Variants in FAT4 observed in about 807,000 individuals in gnomAD.
FAT4 encodes FAT atypical cadherin 4.
Under a neutral mutation model 303.9 loss-of-function variants are expected in FAT4, and 84 were observed. The observed-to-expected ratio is 0.28, with a 90% CI of 0.23 to 0.33. FAT4 has a LOEUF of 0.33. Ranked by LOEUF, FAT4 falls within the 10% of genes least tolerant of loss-of-function variation. FAT4 has a pLI of 1.00. For missense variants in FAT4, 6,005 were observed against 6,146.8 expected, an observed-to-expected ratio of 0.98 and a Z score of 0.77; for synonymous variants, 2,307 against 2,298.8, an observed-to-expected ratio of 1.00 and a Z score of -0.10.
intron 2 of FAT4, among the ~76,000 whole-genome samples, chr4:125,322,368 T>C (rs1364681251): frequency 6.6e-6 from 1 of 152,198 alleles, no homozygotes; most frequent in Non-Finnish European, 1.5e-5. Context: ...GCCAAAAGAA[T>C]TCCAAGCTCA....
chr4:125,491,746 G>A lies in FAT4; in HGVS notation c.14930G>A (p.Gly4977Glu). Residue 4977 changes from glycine to glutamate, a missense_variant, in exon 18 of 18, where the codon GGG becomes GAG. By Grantham distance (98) the Gly-to-Glu change is moderately conservative (BLOSUM62 -2). Coordinates refer to ENST00000394329, the MANE Select transcript of FAT4 (RefSeq NM_001291303.3). ...AGTTKPVPKD[G>E]EAEQYV ...ACAACTAAACCAGTCCCCAAAGATG[G>A]GGAAGCAGAACAGTATGTGTGAAGT... The A allele has an allele frequency of 6.2e-7, 1 of 1,612,994 alleles. No individual in the cohort carries two copies.
intron 2 of FAT4, among the ~76,000 whole-genome samples, chr4:125,375,453 G>A (rs1054237250): frequency 2.6e-5 from 4 of 152,116 alleles, no homozygotes; most frequent in African/African-American, 4.8e-5. Flanking sequence ...AGTGCTTATC[G>A]TCATGTCACT....
intron 7 of FAT4, among the ~76,000 whole-genome samples, chr4:125,427,505 CAG>C (rs1469509376): frequency 6.6e-6 from 1 of 151,856 alleles, no homozygotes; most frequent in Non-Finnish European, 1.5e-5. Context: ...TTTTATAAAA[CAG>C]AATTTTTAAA....
intron 2 of FAT4, among the ~76,000 whole-genome samples, chr4:125,386,036 CA>C (rs1229889952): frequency 6.6e-6 from 1 of 151,948 alleles, no homozygotes; most frequent in African/African-American, 2.4e-5. Flanking sequence ...TGATGATCAT[CA>C]GGGGATAATT....
intron 2 of FAT4, among the ~76,000 whole-genome samples, chr4:125,379,396 C>T (rs1443043973): frequency 6.6e-6 from 1 of 151,428 alleles, no homozygotes; most frequent in Non-Finnish European, 1.5e-5. Flanking sequence ...TCATTGGTTG[C>T]CTTGGAGAGT....
chr4:125,320,768 G>A lies in FAT4; in HGVS notation c.4357G>A (p.Gly1453Ser), dbSNP rs749361513. 6.2e-7 allele frequency: 1 copy of A among 1,614,066 alleles called. No individual in the cohort carries two copies. Among genetic ancestry groups the A allele is most frequent in the Non-Finnish European group, 8.5e-7 (1 of 1,179,984 alleles). Residue 1453 changes from glycine to serine, a missense_variant, in exon 2 of 18, where the codon GGT becomes AGT. By Grantham distance (56) the Gly-to-Ser change is moderately conservative. Coordinates refer to ENST00000394329, the MANE Select transcript of FAT4 (RefSeq NM_001291303.3). Reference protein sequence around the residue: ...TAHDPDADINGQLSYTIIQQM... With the variant: ...TAHDPDADINSQLSYTIIQQM... ...ACATGACCCTGATGCAGACATTAATGGTCAACTATCCTACACAATCATTCA... is the reference window on the plus strand; with the variant it reads ...ACATGACCCTGATGCAGACATTAATAGTCAACTATCCTACACAATCATTCA...
intron 2 of FAT4, among the ~76,000 whole-genome samples, chr4:125,364,294 C>T (rs1374347643): frequency 6.6e-6 from 1 of 152,086 alleles, no homozygotes; most frequent in Non-Finnish European, 1.5e-5. Context: ...CTTATAGCAT[C>T]ATCTGTCACA....
intron 4 of FAT4, among the ~76,000 whole-genome samples, chr4:125,407,809 C>T (rs927679592): frequency 6.6e-6 from 1 of 151,918 alleles, no homozygotes; most frequent in African/African-American, 2.4e-5. Flanking sequence ...GCTTCATTCC[C>T]ATTATTGGAA....
chr4:125,448,641 A>G lies in FAT4; in HGVS notation c.7631A>G (p.Asp2544Gly). The G allele has an allele frequency of 1.2e-6, 2 of 1,613,950 alleles. No homozygotes were observed. Among genetic ancestry groups the G allele is most frequent in the Non-Finnish European group, 1.7e-6 (2 of 1,179,902 alleles). The change falls in exon 10 of 18, where the codon GAT (aspartate) becomes GGT (glycine). Residue 2544 changes from aspartate (D) to glycine (G), a missense_variant. Physicochemically the swap from Asp to Gly is moderately conservative, Grantham distance 94. Coordinates refer to ENST00000394329, the MANE Select transcript of FAT4 (RefSeq NM_001291303.3). ...GTGACATTTTCTGTGCATGTAAAAG[A>G]TGGTGGCTCATTTCCAAAGACAGAT... ...SEVTFSVHVK[D>G]GGSFPKTDST...
chr4:125,372,533 T>G (rs1292436006), intron 2 of FAT4, among the ~76,000 whole-genome samples: 1 of 152,144 alleles, frequency 6.6e-6, no homozygotes, highest in Non-Finnish European at 1.5e-5. Flanking sequence ...ATAGGAACTA[T>G]TAACTACATT....
chr4:125,376,834 G>A (rs1407696482), intron 2 of FAT4, among the ~76,000 whole-genome samples: 1 of 152,046 alleles, frequency 6.6e-6, no homozygotes, highest in African/African-American at 2.4e-5. Context: ...CCGGTGAGCC[G>A]AGATCATGCC....
rs746648335 is a variant in FAT4, at chr4:125,416,519, C to T, written c.6915C>T (p.Asp2305=). ...LSYVLFGGNE[D]NAFTLSASGE... ...ATGTTCTGTTTGGTGGTAATGAAGA[C>T]AATGCTTTTACTCTCTCAGCCAGTG... Residue 2305 remains aspartate, a synonymous_variant, in exon 7 of 18, where the codon GAC becomes GAT. Coordinates refer to ENST00000394329, the MANE Select transcript of FAT4 (RefSeq NM_001291303.3). 2 of 1,613,944 alleles carry T rather than the reference C, an allele frequency of 1.2e-6. No individual in the cohort carries two copies. Among genetic ancestry groups the T allele is most frequent in the South Asian group, 2.2e-5 (2 of 91,088 alleles).
chr4:125,420,324 T>C (rs1735239548), intron 7 of FAT4, among the ~76,000 whole-genome samples: 1 of 152,186 alleles, frequency 6.6e-6, no homozygotes, highest in Non-Finnish European at 1.5e-5. Context: ...CAGAAACACT[T>C]AGAAAAGGAC....
intron 2 of FAT4, among the ~76,000 whole-genome samples, chr4:125,395,667 A>G (rs1250375268): frequency 2.0e-5 from 3 of 152,076 alleles, no homozygotes; most frequent in African/African-American, 4.8e-5. Flanking sequence ...GGGAAAGAGG[A>G]TAGCCTGATT....
At position 125,318,065 on chromosome 4, in the gene FAT4, A is replaced by G. The variant is rs752024411; in HGVS notation, c.1654A>G (p.Ile552Val). ...ACTTGCTTCCCAGATTGTTCTGAAT[A>G]TAAGTGCCCGGGACCAGGGAGTTCA... is the stretch of plus-strand genomic sequence containing the variant. ...RELASQIVLN[I>V]SARDQGVHPK... The change falls in exon 2 of 18, where the codon ATA (isoleucine) becomes GTA (valine). Residue 552 changes from isoleucine to valine, a missense_variant. By Grantham distance (29) the Ile-to-Val change is conservative. Transcript: ENST00000394329. The G allele has an allele frequency of 2.4e-5, 38 of 1,614,122 alleles. No individual in the cohort carries two copies. The highest frequency in any genetic ancestry group is 2.7e-5 in the Non-Finnish European group (32 of 1,180,020).
At chr4:125,375,029 T>C (rs968333051) in intron 2 of FAT4, among the ~76,000 whole-genome samples, 1 of 152,212 alleles carries the variant, frequency 6.6e-6, no homozygotes, top group African/African-American at 2.4e-5. Context: ...CATAGGCACA[T>C]ATTGGCATCT....
intron 2 of FAT4, among the ~76,000 whole-genome samples, chr4:125,359,041 T>G (rs1732546191): frequency 1.3e-5 from 2 of 152,182 alleles, no homozygotes; most frequent in South Asian, 4.1e-4. Flanking sequence ...TTGTCCATAT[T>G]AAACTTATGA....
intron 2 of FAT4, among the ~76,000 whole-genome samples, chr4:125,340,806 A>G (rs17800919): frequency 0.18 from 27,421 of 152,130 alleles, 2,944 homozygotes; most frequent in Non-Finnish European, 0.24. Flanking sequence ...TAGTAGTAGT[A>G]GGATAATCAA....
rs766693768 is a variant in FAT4 at position 125,463,679 on chromosome 4, T to G, written c.11905+12T>G. Reference sequence around the variant, plus strand: ...TCATTGTCCATTTGGTGAGTAAAACTTATTTGTTGATATAAAATATAAGTT... The same window carrying G: ...TCATTGTCCATTTGGTGAGTAAAACGTATTTGTTGATATAAAATATAAGTT... On this transcript the variant is annotated intron_variant, in intron 11 of 17. Transcript: ENST00000394329. 1.4e-5 allele frequency: 21 copies of G among 1,494,090 alleles called. No individual in the cohort carries two copies. The highest frequency in any genetic ancestry group is 1.9e-5 in the Non-Finnish European group (21 of 1,100,046). 92.6% of individuals were successfully genotyped at this position (1,494,090 alleles called of 1,614,324 possible).
Sources: gnomAD v4.1 joint callset for allele counts (sites outside exome capture counted in the v4.1 genomes callset) on GRCh38, gnomAD v4.1.1 for gene constraint, MANE v1.5 for transcripts, NCBI Gene and HGNC (gene_info 2026-07-23, HGNC 2026-07-21) for gene names.